The following ACACA variants were observed in gnomAD, a reference collection of about 807,000 sequenced individuals.
The protein encoded by ACACA is acetyl-CoA carboxylase 1.
ACACA carries 103 observed loss-of-function variants against 296.1 expected under a neutral mutation model. The observed-to-expected ratio is 0.35, with a 90% CI of 0.30 to 0.41. The LOEUF is 0.41. Ranked by LOEUF, ACACA falls within the 10% of genes least tolerant of loss-of-function variation. The pLI, the probability that ACACA is intolerant of heterozygous loss-of-function variation, is 1.00. For synonymous variants in ACACA, 953 were observed against 1,038.6 expected (o/e 0.92, Z 1.58); for missense variants, 1,554 against 2,989.7 (o/e 0.52, Z 11.20).
rs1357169058 is a variant in ACACA at position 37,226,318 on chromosome 17, A to G, written c.3360+21T>C. On this transcript the variant is annotated intron_variant, in intron 26 of 55. Coordinates refer to ENST00000616317, the MANE Select transcript of ACACA (RefSeq NM_198834.3). Reference sequence around the variant, plus strand: ...CTATGAAAGCCATCCCTCCTTTAAGAAAACCAACAAATGTCCTTACCTGGC... The same window carrying G: ...CTATGAAAGCCATCCCTCCTTTAAGGAAACCAACAAATGTCCTTACCTGGC... The G allele has an allele frequency of 4.4e-6, 7 of 1,595,616 alleles. No individual in the cohort carries two copies. In the African/African-American group the frequency reaches 8.0e-5, roughly 18 times the overall value.
At chr17:37,241,266 A>C (rs2080388042) in intron 23 of ACACA, among the ~76,000 whole-genome samples, 1 of 152,134 alleles carries the variant, frequency 6.6e-6, no homozygotes, top group Non-Finnish European at 1.5e-5. Flanking sequence ...AATAGCAACA[A>C]CCACAATTAC....
At chr17:37,400,922 T>C (rs1387918560) in intron 1 of ACACA, among the ~76,000 whole-genome samples, 1 of 152,222 alleles carries the variant, frequency 6.6e-6, no homozygotes, top group Non-Finnish European at 1.5e-5. Flanking sequence ...AAGTGGATTA[T>C]TGGATCATAT....
rs535346635 is a variant in ACACA, at chr17:37,155,374, G to C, written c.5447+309C>G. Among the ~76,000 whole-genome samples the C allele has an allele frequency of 1.2e-4, 19 of 152,254 alleles. No individual in the cohort carries two copies. The East Asian group carries it at 3.7e-3, about 29-fold the overall frequency. On this transcript the variant is annotated intron_variant, in intron 43 of 55. Coordinates refer to ENST00000616317, the MANE Select transcript of ACACA (RefSeq NM_198834.3). ...AAAAGATATGTCTATAGAAAAGACA[G>C]CAAGTGTATAACATAAATTCATAAT... is the stretch of plus-strand genomic sequence containing the variant.
intron 3 of ACACA, chr17:37,299,360 T>C: frequency 6.2e-7 from 1 of 1,614,010 alleles, no homozygotes; most frequent in East Asian, 2.2e-5. Context: ...ATGGAAGCTT[T>C]TTCTTCAGAT....
intron 1 of ACACA, among the ~76,000 whole-genome samples, chr17:37,374,275 C>A (rs1568069718): frequency 1.3e-5 from 2 of 150,790 alleles, no homozygotes; most frequent in Non-Finnish European, 3.0e-5. Context: ...TCTTTATTCT[C>A]TTTTTTTTCT....
intron 52 of ACACA, among the ~76,000 whole-genome samples, chr17:37,104,447 C>T (rs141233549): frequency 2.0e-5 from 3 of 152,224 alleles, no homozygotes; most frequent in African/African-American, 7.2e-5. Context: ...AACTGAGGCA[C>T]AAAAAAGTAA....
chr17:37,394,394 A>T (rs1286137828), intron 1 of ACACA, among the ~76,000 whole-genome samples: 1 of 151,506 alleles, frequency 6.6e-6, no homozygotes, highest in African/African-American at 2.4e-5. Flanking sequence ...TATTTTTAGT[A>T]GAGATGGGGT....
intron 3 of ACACA, among the ~76,000 whole-genome samples, chr17:37,290,839 T>A (rs1271548811): frequency 6.6e-6 from 1 of 151,964 alleles, no homozygotes; most frequent in Non-Finnish European, 1.5e-5. Context: ...TTCCAGCACT[T>A]TGGGAGGCTG....
At chr17:37,379,099 A>G in intron 1 of ACACA, 1 of 1,584,564 alleles carries the variant, frequency 6.3e-7, no homozygotes, top group Non-Finnish European at 8.6e-7. Flanking sequence ...AAAAAACAAA[A>G]CCAGCTCCAT....
chr17:37,370,380 C>T (rs1354397145), intron 1 of ACACA, among the ~76,000 whole-genome samples: 1 of 151,112 alleles, frequency 6.6e-6, no homozygotes, highest in Non-Finnish European at 1.5e-5. Context: ...GACGCGGTGG[C>T]TCACGCCTGT....
intron 25 of ACACA, among the ~76,000 whole-genome samples, chr17:37,232,864 A>ATCCTCC (rs369902920): frequency 6.0e-5 from 9 of 150,818 alleles, no homozygotes; most frequent in Admixed American, 1.3e-4. Flanking sequence ...AACCGTCCTT[A>ATCCTCC]TCCTCCTCCT....
At chr17:37,232,249 A>C (rs1256684391) in intron 25 of ACACA, among the ~76,000 whole-genome samples, 1 of 152,234 alleles carries the variant, frequency 6.6e-6, no homozygotes, top group Non-Finnish European at 1.5e-5. Context: ...CTAGCTCAGC[A>C]AAGCATACTA....
At chr17:37,193,965 T>C (rs963456415) in intron 35 of ACACA, among the ~76,000 whole-genome samples, 14 of 152,122 alleles carry the variant, frequency 9.2e-5, no homozygotes, top group Non-Finnish European at 1.9e-4. Flanking sequence ...ACTACCACTA[T>C]ATGTATAGGA....
chr17:37,316,746 C>T, intron 3 of ACACA, among the ~76,000 whole-genome samples: 1 of 152,100 alleles, frequency 6.6e-6, no homozygotes, highest in East Asian at 1.9e-4. Context: ...ATCTGCACTC[C>T]ATATTTACTG....
At chr17:37,095,502 A>T (rs1459401147) in intron 54 of ACACA, among the ~76,000 whole-genome samples, 1 of 152,252 alleles carries the variant, frequency 6.6e-6, no homozygotes, top group Non-Finnish European at 1.5e-5. Context: ...ACTGACAGCA[A>T]ATCTGGGAGC....
chr17:37,351,958 T>A (rs1197722339), intron 1 of ACACA, among the ~76,000 whole-genome samples: 2 of 140,668 alleles, frequency 1.4e-5, no homozygotes, highest in African/African-American at 5.4e-5. Flanking sequence ...TGAGACAGAG[T>A]CTTGCTCTGT....
chr17:37,233,353 C>T (rs750007554), intron 25 of ACACA, among the ~76,000 whole-genome samples: 1 of 152,156 alleles, frequency 6.6e-6, no homozygotes, highest in East Asian at 1.9e-4. Context: ...TTAAGGCAAG[C>T]GTTACTTACA....
At chr17:37,355,551 G>A (rs537333523) in intron 1 of ACACA, among the ~76,000 whole-genome samples, 1 of 150,662 alleles carries the variant, frequency 6.6e-6, no homozygotes, top group African/African-American at 2.4e-5. Flanking sequence ...GTGAGACTCT[G>A]TCTCAAAAAA....
At position 37,348,766 on chromosome 17, in the gene ACACA, G is replaced by A. The variant is rs529927203; in HGVS notation, c.39-8916C>T. 1.2e-3 allele frequency among the ~76,000 whole-genome samples: 189 copies of A among 151,860 alleles called. 2 individuals carry two copies. Among genetic ancestry groups the A allele is most frequent in the African/African-American group, 4.4e-3 (183 of 41,410 alleles). ...CACGAGATCAGGAGATTGAGACCAC[G>A]GTGAAACCCCGTCTCTACTAAAAAT... On this transcript the variant is annotated intron_variant, in intron 1 of 55. Transcript: ENST00000616317.
Sources: gnomAD v4.1 joint callset for allele counts (sites outside exome capture counted in the v4.1 genomes callset) on GRCh38, gnomAD v4.1.1 for gene constraint, MANE v1.5 for transcripts, NCBI Gene and HGNC (gene_info 2026-07-23, HGNC 2026-07-21) for gene names.